The following TBCK variants were observed in gnomAD, a reference collection of about 807,000 sequenced individuals.
The protein encoded by TBCK is TBC domain-containing protein kinase-like protein.
In TBCK, 99 loss-of-function variants were observed where a neutral mutation model predicts 113.4. The observed-to-expected ratio is 0.87, with a 90% confidence interval of 0.74 to 1.03. The LOEUF is 1.03. TBCK is among the 50% of genes least tolerant of loss of function. The probability of loss-of-function intolerance (pLI) is 0.00; values close to 1 mark genes in which losing one functional copy is unlikely to be tolerated. For missense variants in TBCK, 1,045 were observed against 1,061.3 expected (o/e 0.98, Z 0.21); for synonymous variants, 369 against 370.8 (o/e 1.00, Z 0.05).
chr4:106,090,285 C>T (rs536210542), intron 25 of TBCK, among the ~76,000 whole-genome samples: 7 of 152,284 alleles, frequency 4.6e-5, no homozygotes, highest in South Asian at 2.1e-4. Context: ...AAGCTGTGGC[C>T]GGAGCCTGAG....
intron 25 of TBCK, among the ~76,000 whole-genome samples, chr4:106,077,495 C>T (rs1578827648): frequency 1.3e-5 from 2 of 152,244 alleles, no homozygotes; most frequent in East Asian, 3.9e-4. Flanking sequence ...AAATAGAAAA[C>T]AGAAACAGCA....
rs187872849 is a variant in TBCK, at chr4:106,258,852, C to A, written c.455+1585G>T. Among the ~76,000 whole-genome samples the A allele has an allele frequency of 6.8e-4, 103 of 151,928 alleles. No individual in the cohort carries two copies. In the East Asian group the frequency reaches 0.012, roughly 18 times the overall value. On this transcript the variant is annotated intron_variant, in intron 5 of 25. Coordinates refer to ENST00000394708, the MANE Select transcript of TBCK (RefSeq NM_001163435.3). ...ATTCAACTATAAGTTGAATAAAAAA[C>A]CCCTTTCATATTCGAAAGGGCTTTT...
At chr4:106,277,973 A>G (rs191236774) in intron 3 of TBCK, among the ~76,000 whole-genome samples, 1 of 152,202 alleles carries the variant, frequency 6.6e-6, no homozygotes, top group Non-Finnish European at 1.5e-5. Flanking sequence ...AATAATAAAG[A>G]TGGGTTAAAT....
At chr4:106,271,296 A>G (rs1431516125) in intron 3 of TBCK, among the ~76,000 whole-genome samples, 1 of 152,206 alleles carries the variant, frequency 6.6e-6, no homozygotes, top group African/African-American at 2.4e-5. Context: ...CTGTGTAAAA[A>G]TTGGAGAATA....
intron 22 of TBCK, among the ~76,000 whole-genome samples, chr4:106,191,397 A>C (rs932736994): frequency 9.2e-5 from 14 of 152,218 alleles, no homozygotes; most frequent in African/African-American, 2.9e-4. Flanking sequence ...AATGCTCATC[A>C]GTTAAAAATA....
chr4:106,259,034 C>T (rs532835674), intron 5 of TBCK, among the ~76,000 whole-genome samples: 2 of 151,962 alleles, frequency 1.3e-5, no homozygotes, highest in East Asian at 3.9e-4. Flanking sequence ...AGAAAATTCT[C>T]CCACTAAACA....
At chr4:106,269,179 AATT>A (rs2150124346) in intron 3 of TBCK, among the ~76,000 whole-genome samples, 1 of 152,284 alleles carries the variant, frequency 6.6e-6, no homozygotes, top group Non-Finnish European at 1.5e-5. Context: ...GCTACTGTGT[AATT>A]TAAGAAATGG....
chr4:106,263,646 A>G (rs1405993186), intron 3 of TBCK, among the ~76,000 whole-genome samples: 1 of 151,966 alleles, frequency 6.6e-6, no homozygotes, highest in African/African-American at 2.4e-5. Context: ...ATGTTAAGGT[A>G]TGTAAATTAT....
intron 25 of TBCK, among the ~76,000 whole-genome samples, chr4:106,064,898 C>T (rs1245744528): frequency 2.0e-5 from 3 of 151,878 alleles, no homozygotes; most frequent in African/African-American, 7.2e-5. Context: ...AGCACAATAA[C>T]ACATTAAGCA....
At chr4:106,160,446 G>C (rs1433448802) in intron 23 of TBCK, among the ~76,000 whole-genome samples, 2 of 151,624 alleles carry the variant, frequency 1.3e-5, no homozygotes, top group Non-Finnish European at 2.9e-5. Context: ...AAAAGACCTT[G>C]AATAGGGCAT....
chr4:106,316,359 G>C (rs1013866966), upstream of TBCK: 13 of 608,464 alleles, frequency 2.1e-5, no homozygotes, highest in Admixed American at 1.2e-4. Flanking sequence ...GGGGGGACGG[G>C]GGGGGTCGAT....
chr4:106,046,386 T>G lies in TBCK; in HGVS notation c.*184A>C, dbSNP rs1734216994. 1 of 460,424 alleles carries G rather than the reference T, an allele frequency of 2.2e-6. No individual in the cohort carries two copies. Among genetic ancestry groups the G allele is most frequent in the Admixed American group, 3.9e-5 (1 of 25,546 alleles). 28.5% of individuals were successfully genotyped at this position (460,424 alleles called of 1,614,324 possible). On this transcript the variant is annotated 3_prime_UTR_variant, in exon 26 of 26. Transcript: ENST00000394708. ...AATTCTTTCAGCAATACATGTAGAG[T>G]CAAGTTTCTTGCATGGATAACTGAA...
intron 12 of TBCK, among the ~76,000 whole-genome samples, chr4:106,239,522 G>A (rs560339155): frequency 1.4e-4 from 21 of 152,078 alleles, no homozygotes; most frequent in South Asian, 6.2e-4. Flanking sequence ...TAGGTGTGGC[G>A]TTGCTATTTT....
rs1319159878 is a variant in TBCK at position 106,043,402 on chromosome 4, CAG to C, written c.*3166_*3167del. 6.6e-6 allele frequency: 1 copy of C among 151,992 alleles called. No individual in the cohort carries two copies. Among genetic ancestry groups the C allele is most frequent in the Admixed American group, 6.6e-5 (1 of 15,266 alleles). 9.4% of individuals were successfully genotyped at this position (151,992 alleles called of 1,614,324 possible). On this transcript the variant is annotated 3_prime_UTR_variant, in exon 26 of 26. Coordinates refer to ENST00000394708, the MANE Select transcript of TBCK (RefSeq NM_001163435.3). ...GTTTGGCAGTTGAAAAAAATTACCA[CAG>C]GTTATTTTTATTTTTCTCCCTTCAA...
intron 23 of TBCK, among the ~76,000 whole-genome samples, chr4:106,164,153 C>T (rs1290818007): frequency 6.6e-6 from 1 of 152,066 alleles, no homozygotes; most frequent in Non-Finnish European, 1.5e-5. Flanking sequence ...TAGTCTTCAT[C>T]TTTCACTAAA....
chr4:106,052,909 A>AT (rs1734965255), intron 25 of TBCK, among the ~76,000 whole-genome samples: 2 of 151,750 alleles, frequency 1.3e-5, no homozygotes, highest in African/African-American at 2.4e-5. Context: ...ATGCAAACCC[A>AT]GATATTTTAT....
chr4:106,199,187 TC>T (rs932694924), intron 20 of TBCK, among the ~76,000 whole-genome samples: 1 of 152,154 alleles, frequency 6.6e-6, no homozygotes, highest in African/African-American at 2.4e-5. Context: ...ACCTTGGTCA[TC>T]AATAATTTCT....
chr4:106,091,677 A>G (rs189547389), intron 25 of TBCK, among the ~76,000 whole-genome samples: 88 of 152,030 alleles, frequency 5.8e-4, no homozygotes, highest in African/African-American at 2.0e-3. Context: ...GAAGCTGCAG[A>G]CCTTCGTGGT....
chr4:106,061,964 C>A (rs1736107934), intron 25 of TBCK, among the ~76,000 whole-genome samples: 1 of 151,628 alleles, frequency 6.6e-6, no homozygotes, highest in African/African-American at 2.4e-5. Flanking sequence ...CAGATAAAGA[C>A]TATGAATATT....
Sources: gnomAD v4.1 joint callset for allele counts (sites outside exome capture counted in the v4.1 genomes callset) on GRCh38, gnomAD v4.1.1 for gene constraint, MANE v1.5 for transcripts, NCBI Gene and HGNC (gene_info 2026-07-23, HGNC 2026-07-21) for gene names.